The following CDH4 variants were observed in gnomAD, a reference collection of about 807,000 sequenced individuals.
The protein encoded by CDH4 is cadherin 4.
A neutral mutation model predicts 86.0 loss-of-function variants in CDH4; 33 were observed. The observed-to-expected ratio is 0.38, with a 90% CI of 0.29 to 0.51. The LOEUF (loss-of-function observed/expected upper bound fraction) is 0.51, where lower values mean the gene tolerates loss of function less well. CDH4 is among the 20% of genes least tolerant of loss of function. The probability of loss-of-function intolerance (pLI) is 0.86; values close to 1 mark genes in which losing one functional copy is unlikely to be tolerated. For synonymous variants in CDH4, 555 were observed against 549.4 expected (o/e 1.01, Z -0.14); for missense variants, 1,114 against 1,307.4 (o/e 0.85, Z 2.28).
chr20:61,388,530 A>G (rs551738369), intron 2 of CDH4, among the ~76,000 whole-genome samples: 71 of 152,298 alleles, frequency 4.7e-4, no homozygotes, highest in African/African-American at 1.7e-3. Flanking sequence ...CTGATAGCAC[A>G]TTAGGTTTAA....
At position 61,524,175 on chromosome 20, in the gene CDH4, A is replaced by G. The variant is rs564968361; in HGVS notation, c.170-219388A>G. Among the ~76,000 whole-genome samples the G allele has an allele frequency of 1.3e-4, 20 of 152,306 alleles. 1 individual carries two copies. The South Asian group carries it at 4.1e-3, about 32-fold the overall frequency. On this transcript the variant is annotated intron_variant, in intron 2 of 15. Coordinates refer to ENST00000614565, the MANE Select transcript of CDH4 (RefSeq NM_001794.5). ...GTGGTCCATTGGGCTGCTTTGGTTT[A>G]TGCTGCTGGGGTTAGAGGAACATTG...
intron 2 of CDH4, among the ~76,000 whole-genome samples, chr20:61,549,149 A>G (rs1439113363): frequency 6.6e-6 from 1 of 152,104 alleles, no homozygotes; most frequent in African/African-American, 2.4e-5. Context: ...CTGCTTCTTG[A>G]TGTTACAGTG....
intron 4 of CDH4, among the ~76,000 whole-genome samples, chr20:61,837,080 G>C (rs935667712): frequency 7.9e-5 from 12 of 152,298 alleles, no homozygotes; most frequent in African/African-American, 2.9e-4. Context: ...CTGGTCCCAG[G>C]TACTCAGGAG....
intron 3 of CDH4, among the ~76,000 whole-genome samples, chr20:61,766,131 G>A (rs548161721): frequency 6.6e-6 from 1 of 152,014 alleles, no homozygotes; most frequent in East Asian, 1.9e-4. Context: ...TCTGGGTCCA[G>A]GAGCCCACTT....
intron 2 of CDH4, among the ~76,000 whole-genome samples, chr20:61,571,100 C>G (rs993246624): frequency 3.9e-5 from 6 of 152,164 alleles, no homozygotes; most frequent in African/African-American, 9.6e-5. Flanking sequence ...GTTTCTCCCC[C>G]ACATCCTCGG....
chr20:61,920,684 T>G (rs907755807), intron 9 of CDH4, among the ~76,000 whole-genome samples: 10 of 149,354 alleles, frequency 6.7e-5, no homozygotes, highest in African/African-American at 2.5e-4. Context: ...AAGCGTGGTG[T>G]CGTGATGATT....
intron 2 of CDH4, among the ~76,000 whole-genome samples, chr20:61,258,461 C>T (rs1230064856): frequency 6.6e-6 from 1 of 152,108 alleles, no homozygotes; most frequent in African/African-American, 2.4e-5. Context: ...TACCCTCGTA[C>T]CACCCTCTGC....
rs1176903843 is a variant in CDH4 at position 61,582,438 on chromosome 20, CCCA to C, written c.170-161124_170-161122del. ...GTCCGCAAGTCCTTCTCAGAACCATCCCATGTGCCTGTCCCTGTGGCCCTGGGC... is the reference window on the plus strand; with the variant it reads ...GTCCGCAAGTCCTTCTCAGAACCATCTGTGCCTGTCCCTGTGGCCCTGGGC... On this transcript the variant is annotated intron_variant, in intron 2 of 15. Coordinates refer to ENST00000614565, the MANE Select transcript of CDH4 (RefSeq NM_001794.5). The surrounding 1 kb of genome is among the most constrained non-coding windows in gnomAD (Gnocchi z 4.2). 6.6e-5 allele frequency among the ~76,000 whole-genome samples: 10 copies of C among 152,248 alleles called. No homozygotes were observed. The highest frequency in any genetic ancestry group is 1.3e-4 in the Non-Finnish European group (9 of 68,036).
intron 4 of CDH4, among the ~76,000 whole-genome samples, chr20:61,830,088 C>T (rs1379136193): frequency 6.1e-5 from 9 of 148,182 alleles, no homozygotes; most frequent in Non-Finnish European, 1.3e-4. Context: ...CCCAACCCCA[C>T]TCCCGCAGTT....
intron 2 of CDH4, among the ~76,000 whole-genome samples, chr20:61,292,660 G>A (rs2084329243): frequency 6.6e-6 from 1 of 152,256 alleles, no homozygotes; most frequent in African/African-American, 2.4e-5. Flanking sequence ...CCTTGGAAGT[G>A]CGGCCAGGGC....
intron 2 of CDH4, among the ~76,000 whole-genome samples, chr20:61,500,462 T>C (rs192385662): frequency 7.3e-4 from 111 of 152,352 alleles, no homozygotes; most frequent in African/African-American, 2.4e-3. Context: ...TCTTTCCACC[T>C]GGGTGGCTGC....
intron 2 of CDH4, among the ~76,000 whole-genome samples, chr20:61,532,516 G>A (rs6061612): frequency 0.42 from 63,762 of 152,074 alleles, 17,916 homozygotes; most frequent in African/African-American, 0.8. Context: ...CCACCGTTCA[G>A]TAACAACAAG....
At chr20:61,903,039 A>G (rs954175828) in intron 8 of CDH4, among the ~76,000 whole-genome samples, 4 of 145,170 alleles carry the variant, frequency 2.8e-5, no homozygotes, top group Non-Finnish European at 6.1e-5. Context: ...AAAAAAAAAA[A>G]AGACACACAG....
At chr20:61,428,057 G>T (rs2085224517) in intron 2 of CDH4, among the ~76,000 whole-genome samples, 1 of 152,156 alleles carries the variant, frequency 6.6e-6, no homozygotes, top group Non-Finnish European at 1.5e-5. Context: ...TCACTCCTAG[G>T]TCGCACCCTT....
At chr20:61,362,825 A>G (rs2084791516) in intron 2 of CDH4, among the ~76,000 whole-genome samples, 1 of 152,156 alleles carries the variant, frequency 6.6e-6, no homozygotes, top group Non-Finnish European at 1.5e-5. Flanking sequence ...AGAGGAGATC[A>G]AATAACTGCC....
At chr20:61,424,097 TAC>T (rs1197722639) in intron 2 of CDH4, among the ~76,000 whole-genome samples, 4 of 151,326 alleles carry the variant, frequency 2.6e-5, no homozygotes, top group African/African-American at 9.7e-5. Flanking sequence ...TACACACGTA[TAC>T]ACACATATAC....
intron 2 of CDH4, among the ~76,000 whole-genome samples, chr20:61,666,782 C>T (rs1332111785): frequency 6.6e-6 from 1 of 152,216 alleles, no homozygotes; most frequent in Non-Finnish European, 1.5e-5. Flanking sequence ...ATCTGCCGGC[C>T]ACAGTGGCAG....
At chr20:61,608,855 G>T (rs1239912290) in intron 2 of CDH4, among the ~76,000 whole-genome samples, 10 of 152,186 alleles carry the variant, frequency 6.6e-5, no homozygotes, top group Non-Finnish European at 1.5e-4. Flanking sequence ...GATCACAGCA[G>T]ATGTCCACCT....
intron 2 of CDH4, among the ~76,000 whole-genome samples, chr20:61,722,418 G>A (rs1293094421): frequency 6.6e-6 from 1 of 152,158 alleles, no homozygotes; most frequent in East Asian, 1.9e-4. Flanking sequence ...AAGTGAGGAA[G>A]GATTTCACCT....
Sources: allele counts gnomAD v4.1 joint callset (sites outside exome capture counted in the v4.1 genomes callset), GRCh38; gene constraint gnomAD v4.1.1; non-coding constraint Gnocchi (gnomAD v3.1); transcripts MANE v1.5; gene names NCBI Gene and HGNC (gene_info 2026-07-23, HGNC 2026-07-21).